The following VPS51 variants were observed in gnomAD, a reference collection of about 807,000 sequenced individuals.
The protein encoded by VPS51 is vacuolar protein sorting-associated protein 51 homolog.
Under a neutral mutation model 65.1 loss-of-function variants are expected in VPS51, and 55 were observed. The ratio of observed to expected loss-of-function variants is 0.84; its 90% CI spans 0.68 to 1.06. VPS51 has a LOEUF of 1.06. Ranked by LOEUF, VPS51 falls within the 50% of genes least tolerant of loss-of-function variation. The probability of loss-of-function intolerance (pLI) is 0.00; values close to 1 mark genes in which losing one functional copy is unlikely to be tolerated. For missense variants in VPS51, 943 were observed against 1,101.6 expected (o/e 0.86, Z 2.04); for synonymous variants, 473 against 489.5 (o/e 0.97, Z 0.44).
intron 2 of VPS51, among the ~76,000 whole-genome samples, chr11:65,100,345 T>A (rs1377450472): frequency 6.6e-6 from 1 of 151,908 alleles, no homozygotes; most frequent in African/African-American, 2.4e-5. Context: ...CATCATTAGG[T>A]CTTAGGGAAA....
Position 65,109,350 on chromosome 11 carries a change from C to G in VPS51, c.1514C>G (p.Ala505Gly). Residue 505 changes from alanine to glycine, a missense_variant, in exon 6 of 10, where the codon GCT (alanine) becomes GGT (glycine). By Grantham distance (60) the Ala-to-Gly change is moderately conservative. Around this residue, in one of 2 missense-constraint regions of VPS51, gnomAD observed 855 missense variants for 953.7 expected, o/e 0.90. Transcript: ENST00000279281. ...VGFVHSMCQT[A>G]QSFCDSPGEK... ...TTCGTCCACTCTATGTGCCAGACGG[C>G]TCAGAGCTTCTGCGACAGCCCTGGG... The G allele has an allele frequency of 1.9e-6, 3 of 1,613,644 alleles. No individual in the cohort carries two copies. Among genetic ancestry groups the G allele is most frequent in the Non-Finnish European group, 2.5e-6 (3 of 1,180,016 alleles).
At chr11:65,096,919 T>C (rs1947774610) in intron 1 of VPS51, 79 bp from the exon 2 acceptor site, 6 of 1,578,016 alleles carry the variant, frequency 3.8e-6, no homozygotes, top group Non-Finnish European at 5.2e-6. Context: ...TTTCTTGCCC[T>C]GAAAGCCTAT....
chr11:65,097,222 T>C (rs574846281), intron 2 of VPS51, 95 bp downstream of exon 2: 1 of 1,544,228 alleles, frequency 6.5e-7, no homozygotes, highest in African/African-American at 1.4e-5. Flanking sequence ...GGGGGGAGAC[T>C]CAGATTCCAG....
At chr11:65,109,652 CT>C in intron 6 of VPS51, 52 bp from the exon 7 acceptor site, 1 of 1,524,304 alleles carries the variant, frequency 6.6e-7, no homozygotes, top group Non-Finnish European at 8.8e-7. Flanking sequence ...GCAGTGGCCC[CT>C]GAGCTGCCCC....
chr11:65,096,798 A>G, intron 1 of VPS51, 200 bp from the exon 2 acceptor site: 2 of 804,430 alleles, frequency 2.5e-6, no homozygotes, highest in Non-Finnish European at 3.8e-6. Flanking sequence ...AAATGCTGAC[A>G]AACACCAAAC....
chr11:65,096,417 AC>A lies in VPS51; in HGVS notation c.172del (p.Leu58TrpfsTer6). ...GCGGCGGGACGCCCCGCGGGGCCCG[AC>A]CCCCTGGACCCGACTGATCTGAACG... ...GEAAGRPAGPDPLDPTDLNGA... is the reference protein window; with the variant it reads ...GEAAGRPAGPXPLDPTDLNGA... On this transcript the variant is annotated frameshift_variant, in exon 1 of 10. Coordinates refer to ENST00000279281, the MANE Select transcript of VPS51 (RefSeq NM_013265.4). LOFTEE classifies it high-confidence loss of function. 5 of 1,390,544 alleles carry A rather than the reference AC, an allele frequency of 3.6e-6. No homozygotes were observed. Among genetic ancestry groups the A allele is most frequent in the South Asian group, 1.3e-5 (1 of 78,990 alleles). 86.1% of individuals were successfully genotyped at this position (1,390,544 alleles called of 1,614,324 possible). A position where few individuals can be genotyped will look rare whatever the true frequency, so the allele number is the denominator to read the frequency against.
In VPS51 at chr11:65,096,527, C is replaced by T; in HGVS notation, c.228+49C>T. ...GGGTGCGGGGAGGGGGGAAGGGAACCAGGCCCCTGCTATATTGCTCCCCCA... is the reference window on the plus strand; with the variant it reads ...GGGTGCGGGGAGGGGGGAAGGGAACTAGGCCCCTGCTATATTGCTCCCCCA... On this transcript the variant is annotated intron_variant, in intron 1 of 9. Coordinates refer to ENST00000279281, the MANE Select transcript of VPS51 (RefSeq NM_013265.4). 3 of 1,356,650 alleles carry T rather than the reference C, an allele frequency of 2.2e-6. No individual in the cohort carries two copies. The South Asian group carries it at 4.2e-5, about 19-fold the overall frequency. The allele number at this position is 1,356,650 out of a possible 1,614,324, so 84.0% of individuals were successfully genotyped here. A position where few individuals can be genotyped will look rare whatever the true frequency, so the allele number is the denominator to read the frequency against.
chr11:65,109,421 C>T lies in VPS51; in HGVS notation c.1585C>T (p.Arg529Cys), dbSNP rs372980301. The T allele has an allele frequency of 3.4e-5, 54 of 1,610,754 alleles. No homozygotes were observed. Among genetic ancestry groups the T allele is most frequent in the African/African-American group, 1.5e-4 (11 of 74,934 alleles). The change falls in exon 6 of 10, where the codon CGC (arginine) becomes TGC (cysteine). Residue 529 changes from arginine to cysteine, a missense_variant. Arg to Cys is a radical substitution (Grantham distance 180, BLOSUM62 -3). Coordinates refer to ENST00000279281, the MANE Select transcript of VPS51 (RefSeq NM_013265.4). ...TPPALLLLLS[R>C]LCLDYETATI... Reference sequence around the variant, plus strand: ...ACCTGCCCTGCTCCTGCTGCTCTCCCGCCTCTGCCTGGACTACGAGACGGC... The same window carrying T: ...ACCTGCCCTGCTCCTGCTGCTCTCCTGCCTCTGCCTGGACTACGAGACGGC...
chr11:65,105,948 G>A (rs11604099), intron 2 of VPS51, among the ~76,000 whole-genome samples: 4,623 of 152,220 alleles, frequency 0.03, 104 homozygotes, highest in African/African-American at 0.059. Context: ...TGCCCTCCCC[G>A]GGCGTGCCAC....
intron 2 of VPS51, among the ~76,000 whole-genome samples, chr11:65,103,456 A>T (rs1223081962): frequency 6.6e-6 from 1 of 152,116 alleles, no homozygotes; most frequent in Non-Finnish European, 1.5e-5. Flanking sequence ...TACGTAATCT[A>T]CCTTTCCATG....
intron 1 of VPS51, chr11:65,096,738 C>G (rs1429314055): frequency 3.1e-6 from 2 of 653,662 alleles, no homozygotes; most frequent in Non-Finnish European, 5.2e-6. Flanking sequence ...GGGGCGTGGC[C>G]CAAGCGTTGA....
intron 9 of VPS51, 183 bp downstream of exon 9, chr11:65,110,964 C>G: frequency 4.2e-6 from 3 of 716,066 alleles, no homozygotes; most frequent in Non-Finnish European, 7.1e-6. Context: ...AATCCCACAG[C>G]CCTTGTCCCA....
At position 65,107,487 on chromosome 11, in the gene VPS51, G is replaced by C; in HGVS notation, c.359-94G>C. ...CATCCATGCGCCCCTGGAGCAAGCT[G>C]GGGCGTCTGTGAAGGGGTGGGTGAG... On this transcript the variant is annotated intron_variant, in intron 2 of 9. Transcript: ENST00000279281. The surrounding 1 kb of genome is among the most constrained non-coding windows in gnomAD (Gnocchi z 4.0). The C allele has an allele frequency of 6.8e-7, 1 of 1,477,710 alleles. No individual in the cohort carries two copies. Among genetic ancestry groups the C allele is most frequent in the Non-Finnish European group, 9.1e-7 (1 of 1,097,312 alleles). 91.5% of individuals were successfully genotyped at this position (1,477,710 alleles called of 1,614,324 possible).
At chr11:65,106,022 CTCTT>C (rs1241715454) in intron 2 of VPS51, among the ~76,000 whole-genome samples, 1 of 152,142 alleles carries the variant, frequency 6.6e-6, no homozygotes, top group Non-Finnish European at 1.5e-5. Flanking sequence ...CAGAGTGAGA[CTCTT>C]TCTCAAACAA....
At chr11:65,103,470 T>C (rs973176377) in intron 2 of VPS51, among the ~76,000 whole-genome samples, 4 of 152,212 alleles carry the variant, frequency 2.6e-5, no homozygotes, top group Non-Finnish European at 5.9e-5. Flanking sequence ...TTCCATGTAA[T>C]TTTTTAAAAA....
chr11:65,109,757 C>T lies in VPS51; in HGVS notation c.1712C>T (p.Thr571Met), dbSNP rs765322623. 1.2e-5 allele frequency: 19 copies of T among 1,596,368 alleles called. No individual in the cohort carries two copies. Among genetic ancestry groups the T allele is most frequent in the Middle Eastern group, 1.7e-4 (1 of 5,994 alleles). The change falls in exon 7 of 10, where the codon ACG becomes ATG. Residue 571 changes from threonine to methionine, a missense_variant. Thr to Met is a moderately conservative substitution (Grantham distance 81). Transcript: ENST00000279281. ...VSTLCAEARE[T>M]ARRLLTHYVK... ...ACGCTGTGTGCAGAGGCCAGGGAAACGGCGCGGCGGCTGCTGACCCACTAC... is the reference window on the plus strand; with the variant it reads ...ACGCTGTGTGCAGAGGCCAGGGAAATGGCGCGGCGGCTGCTGACCCACTAC...
chr11:65,096,505 T>TG, intron 1 of VPS51, 27 bp downstream of exon 1: 3 of 371,836 alleles, frequency 8.1e-6, no homozygotes, highest in East Asian at 5.8e-5. Flanking sequence ...AGTGGGGGGG[T>TG]GCGGGGAGGG....
At chr11:65,098,104 C>T (rs1947782922) in intron 2 of VPS51, among the ~76,000 whole-genome samples, 1 of 152,100 alleles carries the variant, frequency 6.6e-6, no homozygotes, top group African/African-American at 2.4e-5. Context: ...TCACTTGAAC[C>T]TGGGAGGTGG....
chr11:65,096,518 G>GGGGGGCGGGGTGGGGCC, intron 1 of VPS51, 40 bp downstream of exon 1: 1 of 499,412 alleles, frequency 2.0e-6, no homozygotes, highest in Non-Finnish European at 3.7e-6. Flanking sequence ...GGGGAGGGGG[G>GGGGGGCGGGGTGGGGCC]AAGGGAACCA....
Sources: gnomAD v4.1 joint callset for allele counts (sites outside exome capture counted in the v4.1 genomes callset) on GRCh38, gnomAD v4.1.1 for gene constraint, gnomAD v4.1.1 regional missense constraint, Gnocchi (gnomAD v3.1) non-coding constraint, MANE v1.5 for transcripts, NCBI Gene and HGNC (gene_info 2026-07-23, HGNC 2026-07-21) for gene names.